The following KIF3B variants were observed in gnomAD, a reference collection of about 807,000 sequenced individuals.
The protein encoded by KIF3B is kinesin family member 3B, also known as kinesin-like protein KIF3B.
KIF3B carries 38 observed loss-of-function variants against 74.3 expected under a neutral mutation model. The ratio of observed to expected loss-of-function variants is 0.51; its 90% CI spans 0.39 to 0.67. The LOEUF is 0.67. KIF3B is among the 30% of genes least tolerant of loss of function. KIF3B has a pLI of 0.00. For synonymous variants in KIF3B, 326 were observed against 342.5 expected (o/e 0.95, Z 0.53); for missense variants, 649 against 932.0 (o/e 0.70, Z 3.95).
chr20:32,299,404 T>TATATATATATATA (rs1555895045), intron 1 of KIF3B, among the ~76,000 whole-genome samples: 5 of 31,322 alleles, frequency 1.6e-4, no homozygotes, highest in African/African-American at 5.4e-4. Flanking sequence ...TATATATATA[T>TATATATATATATA]TTTTTTTTTT....
intron 1 of KIF3B, among the ~76,000 whole-genome samples, chr20:32,287,872 CTTTTTTTTT>C (rs10699896): frequency 2.4e-3 from 114 of 47,494 alleles, no homozygotes; most frequent in African/African-American, 5.5e-3. Flanking sequence ...CTAAAAGTAT[CTTTTTTTTT>C]TTTTTTTTTT....
At chr20:32,323,608 G>T (rs764134149) in intron 5 of KIF3B, among the ~76,000 whole-genome samples, 1 of 152,096 alleles carries the variant, frequency 6.6e-6, no homozygotes. Flanking sequence ...GCCGAGCATG[G>T]TGGCTCGTAC....
chr20:32,326,738 ATC>A (rs1342122417), intron 5 of KIF3B, 31 bp from the exon 6 acceptor site: 1 of 846,116 alleles, frequency 1.2e-6, no homozygotes. Context: ...TGTATTCTGT[ATC>A]TGTTTTCACC....
At chr20:32,316,413 A>G in intron 3 of KIF3B, 94 bp downstream of exon 3, 3 of 1,558,554 alleles carry the variant, frequency 1.9e-6, no homozygotes, top group Non-Finnish European at 1.8e-6. Flanking sequence ...TTCAAAGAGA[A>G]TGAGAGCAAG....
At chr20:32,301,084 T>C (rs2047741547) in intron 1 of KIF3B, among the ~76,000 whole-genome samples, 1 of 127,058 alleles carries the variant, frequency 7.9e-6, no homozygotes, top group South Asian at 2.8e-4. Context: ...CGCTTCATGG[T>C]CTTTTTTTTT....
chr20:32,301,655 A>G (rs1399543728), intron 1 of KIF3B, among the ~76,000 whole-genome samples: 1 of 152,028 alleles, frequency 6.6e-6, no homozygotes, highest in African/African-American at 2.4e-5. Flanking sequence ...GAGATTACAG[A>G]TGTGAGCCAC....
chr20:32,284,706 A>G (rs1159271503), intron 1 of KIF3B, among the ~76,000 whole-genome samples: 2 of 152,216 alleles, frequency 1.3e-5, no homozygotes, highest in Non-Finnish European at 2.9e-5. Flanking sequence ...CCTTTTACCA[A>G]GATCCCGGAT....
At position 32,311,138 on chromosome 20, in the gene KIF3B, G is replaced by A. The variant is rs745884911; in HGVS notation, c.1361G>A (p.Arg454Gln). Residue 454 changes from arginine to glutamine, a missense_variant, in exon 2 of 9, where the codon CGG (arginine) becomes CAG (glutamine). Physicochemically the swap from Arg to Gln is conservative, Grantham distance 43. Coordinates refer to ENST00000375712, the MANE Select transcript of KIF3B (RefSeq NM_004798.4). ...KEKEKKMEDL[R>Q]REKDAAEMLG... ...AAAGAGAAAAAGATGGAGGACCTGC[G>A]GCGGGAGAAGGATGCTGCCGAGATG... The A allele has an allele frequency of 3.1e-6, 5 of 1,612,418 alleles. No homozygotes were observed. The African/African-American group carries it at 4.0e-5, about 13-fold the overall frequency.
chr20:32,301,277 G>A (rs989733965), intron 1 of KIF3B, among the ~76,000 whole-genome samples: 2 of 151,346 alleles, frequency 1.3e-5, no homozygotes, highest in South Asian at 2.1e-4. Flanking sequence ...TAGTAGAGAC[G>A]AGGTCTCAAA....
intron 1 of KIF3B, among the ~76,000 whole-genome samples, chr20:32,308,333 T>C (rs2047782358): frequency 6.6e-6 from 1 of 151,678 alleles, no homozygotes; most frequent in African/African-American, 2.4e-5. Context: ...AAGCAATCCT[T>C]CTTCCTCAGC....
chr20:32,298,125 G>A (rs2047725001), intron 1 of KIF3B, among the ~76,000 whole-genome samples: 1 of 124,632 alleles, frequency 8.0e-6, no homozygotes, highest in African/African-American at 2.6e-5. Context: ...AAAAAAAATT[G>A]TTGTTTTTTT....
At chr20:32,305,162 CA>C (rs932512390) in intron 1 of KIF3B, among the ~76,000 whole-genome samples, 3 of 150,824 alleles carry the variant, frequency 2.0e-5, no homozygotes, top group South Asian at 2.1e-4. Context: ...AACAAACAAA[CA>C]AAAAAAACCC....
intron 5 of KIF3B, among the ~76,000 whole-genome samples, chr20:32,325,705 T>C (rs1223079547): frequency 1.4e-5 from 2 of 142,638 alleles, no homozygotes; most frequent in Non-Finnish European, 3.0e-5. Flanking sequence ...TTTTGCTCTT[T>C]GGCCCAGGCC....
intron 1 of KIF3B, among the ~76,000 whole-genome samples, chr20:32,284,309 A>G (rs1015738661): frequency 6.6e-6 from 1 of 152,136 alleles, no homozygotes; most frequent in African/African-American, 2.4e-5. Flanking sequence ...CTAATTGTCA[A>G]TCAGTTGAGA....
At chr20:32,321,342 T>C (rs998142457) in intron 5 of KIF3B, among the ~76,000 whole-genome samples, 1 of 151,118 alleles carries the variant, frequency 6.6e-6, no homozygotes, top group African/African-American at 2.4e-5. Context: ...GGCAGAGGAA[T>C]CCCTTGAACC....
intron 1 of KIF3B, among the ~76,000 whole-genome samples, chr20:32,297,067 G>A (rs1166101247): frequency 6.6e-6 from 1 of 152,026 alleles, no homozygotes; most frequent in Non-Finnish European, 1.5e-5. Context: ...CCAGGGAATT[G>A]GTTTAGGCTG....
At chr20:32,288,978 G>T (rs1458820383) in intron 1 of KIF3B, among the ~76,000 whole-genome samples, 1 of 152,150 alleles carries the variant, frequency 6.6e-6, no homozygotes, top group African/African-American at 2.4e-5. Flanking sequence ...GCATGCGTAG[G>T]CATGAATCTT....
chr20:32,288,014 C>T (rs2047675190), intron 1 of KIF3B, among the ~76,000 whole-genome samples: 1 of 150,418 alleles, frequency 6.6e-6, no homozygotes, highest in African/African-American at 2.4e-5. Flanking sequence ...TCCTGAGTAC[C>T]TGGGATTACA....
chr20:32,290,339 C>T (rs554793606), intron 1 of KIF3B, among the ~76,000 whole-genome samples: 2 of 152,164 alleles, frequency 1.3e-5, no homozygotes, highest in East Asian at 3.9e-4. Context: ...GCCGAGATCA[C>T]GCCACTACAC....
Sources: allele counts gnomAD v4.1 joint callset (sites outside exome capture counted in the v4.1 genomes callset), GRCh38; gene constraint gnomAD v4.1.1; transcripts MANE v1.5; gene names NCBI Gene and HGNC (gene_info 2026-07-23, HGNC 2026-07-21).